The following HEYL variants were observed in gnomAD, a reference collection of about 807,000 sequenced individuals.
The protein encoded by HEYL is hes related family bHLH transcription factor with YRPW motif like.
HEYL carries 12 observed loss-of-function variants against 18.6 expected under a neutral mutation model. The observed-to-expected ratio is 0.65, with a 90% CI of 0.41 to 1.05. HEYL has a LOEUF of 1.05. HEYL is among the 50% of genes least tolerant of loss of function. The pLI is 0.00. For missense variants in HEYL, 420 were observed against 444.7 expected (o/e 0.94, Z 0.50); for synonymous variants, 159 against 179.6 (o/e 0.89, Z 0.91).
intron 1 of HEYL, chr1:39,632,984 C>G: frequency 8.2e-5 from 80 of 976,998 alleles, no homozygotes; most frequent in Non-Finnish European, 9.5e-5. Context: ...GAACCGCGTA[C>G]CGCGGCGCGG....
Position 39,626,800 on chromosome 1 carries a change from C to A in HEYL, c.694G>T (p.Ala232Ser). 1 of 1,560,868 alleles carries A rather than the reference C, an allele frequency of 6.4e-7. No individual in the cohort carries two copies. Among genetic ancestry groups the A allele is most frequent in the African/African-American group, 1.4e-5 (1 of 73,886 alleles). The change falls in exon 5 of 5, where the codon GCC becomes TCC. Residue 232 changes from alanine (A) to serine (S), a missense_variant. By Grantham distance (99) the Ala-to-Ser change is moderately conservative. Transcript: ENST00000372852. ...CGACTGGGCAGCACATTCCTCCGGG[C>A]TGGCAGGATGATGCCTGTGGCTCTG... is the stretch of plus-strand genomic sequence containing the variant. The part of the protein sequence containing the change: ...LRRATGIILP[A>S]RRNVLPSRGA...
chr1:39,631,372 A>G, intron 3 of HEYL, 124 bp downstream of exon 3: 1 of 773,114 alleles, frequency 1.3e-6, no homozygotes, highest in Non-Finnish European at 2.2e-6. Context: ...CCAGTGACAG[A>G]TATTGGTAAA....
rs1646283335 is a variant in HEYL at position 39,624,235 on chromosome 1, C to T, written c.*2272G>A. On this transcript the variant is annotated 3_prime_UTR_variant, in exon 5 of 5. Coordinates refer to ENST00000372852, the MANE Select transcript of HEYL (RefSeq NM_014571.4). ...GTAGGAGTTGGAGACACCAGGAAGGCTTGGGGATAGAAACACAAGATGCAA... is the reference window on the plus strand; with the variant it reads ...GTAGGAGTTGGAGACACCAGGAAGGTTTGGGGATAGAAACACAAGATGCAA... 1 of 152,240 alleles carries T rather than the reference C, an allele frequency of 6.6e-6. No individual in the cohort carries two copies. Among genetic ancestry groups the T allele is most frequent in the Non-Finnish European group, 1.5e-5 (1 of 68,042 alleles). 9.4% of individuals were successfully genotyped at this position (152,240 alleles called of 1,614,324 possible).
rs1464441106 is a variant in HEYL, at chr1:39,626,245, T to G, written c.*262A>C. The stretch of plus-strand genomic sequence containing the variant: ...GGGTCTGGGCGGATCTCTGAGGGTC[T>G]CTCCCAGGACTCATCTGTTCAGGTG... On this transcript the variant is annotated 3_prime_UTR_variant, in exon 5 of 5. Coordinates refer to ENST00000372852, the MANE Select transcript of HEYL (RefSeq NM_014571.4). 6 of 408,030 alleles carry G rather than the reference T, an allele frequency of 1.5e-5. No homozygotes were observed. The highest frequency in any genetic ancestry group is 2.6e-5 in the Non-Finnish European group (6 of 230,844). The allele number at this position is 408,030 out of a possible 1,614,324, so 25.3% of individuals were successfully genotyped here. A position where few individuals can be genotyped will look rare whatever the true frequency, so the allele number is the denominator to read the frequency against.
At position 39,632,675 on chromosome 1, in the gene HEYL, T is replaced by C. The variant is rs773344582; in HGVS notation, c.121A>G (p.Met41Val). ...RPLSTPSSSQ[M>V]QARKKHRGII... ...CCTCTGTGTTTCTTCCTGGCTTGCA[T>C]CTGCGAAGAGCTGGGGGTGGACAGC... The change falls in exon 2 of 5, where the codon ATG becomes GTG. Residue 41 changes from methionine to valine, a missense_variant. Coordinates refer to ENST00000372852, the MANE Select transcript of HEYL (RefSeq NM_014571.4). The C allele has an allele frequency of 6.2e-7, 1 of 1,614,012 alleles. No homozygotes were observed. Among genetic ancestry groups the C allele is most frequent in the Non-Finnish European group, 8.5e-7 (1 of 1,179,926 alleles).
chr1:39,637,624 G>A (rs992596548), intron 1 of HEYL, among the ~76,000 whole-genome samples: 1 of 152,198 alleles, frequency 6.6e-6, no homozygotes, highest in Non-Finnish European at 1.5e-5. Flanking sequence ...GTCAGCCTCT[G>A]CCAGATGTCC....
intron 4 of HEYL, among the ~76,000 whole-genome samples, chr1:39,629,164 C>A (rs1171010912): frequency 6.6e-6 from 1 of 152,214 alleles, no homozygotes; most frequent in Non-Finnish European, 1.5e-5. Context: ...CCCCATCTTG[C>A]AGGTTCTTGT....
In HEYL at chr1:39,630,312, C is replaced by A. The variant is rs760837071; in HGVS notation, c.232-4G>T. 1.2e-6 allele frequency: 2 copies of A among 1,612,970 alleles called. No individual in the cohort carries two copies. Among genetic ancestry groups the A allele is most frequent in the African/African-American group, 1.3e-5 (1 of 74,876 alleles). ...CTTTCTCCAGCTTGGAAGAGCCCTGCGGGTACAGAAGACAGAAGGGTGGAG... is the reference window on the plus strand; with the variant it reads ...CTTTCTCCAGCTTGGAAGAGCCCTGAGGGTACAGAAGACAGAAGGGTGGAG... On this transcript the variant is annotated splice_polypyrimidine_tract_variant and splice_region_variant and intron_variant, in intron 3 of 4. Transcript: ENST00000372852.
At position 39,632,633 on chromosome 1, in the gene HEYL, T is replaced by C; in HGVS notation, c.147+16A>G. 3 of 1,611,152 alleles carry C rather than the reference T, an allele frequency of 1.9e-6. No homozygotes were observed. Among genetic ancestry groups the C allele is most frequent in the Non-Finnish European group, 2.5e-6 (3 of 1,178,058 alleles). On this transcript the variant is annotated intron_variant, in intron 2 of 4. Transcript: ENST00000372852. ...ACCCTTTGTTGGTCAACTCAGAGGC[T>C]GAGACGGACACTCACCCCTCTGTGT...
intron 4 of HEYL, among the ~76,000 whole-genome samples, chr1:39,628,570 C>T (rs1353579483): frequency 1.3e-5 from 2 of 151,724 alleles, no homozygotes; most frequent in African/African-American, 2.4e-5. Flanking sequence ...TGAGCCACTG[C>T]GCCTGGCCTT....
At chr1:39,634,432 T>A (rs1646352038) in intron 1 of HEYL, among the ~76,000 whole-genome samples, 1 of 152,168 alleles carries the variant, frequency 6.6e-6, no homozygotes, top group African/African-American at 2.4e-5. Context: ...ATCTTTCAGG[T>A]GGTCCAACTG....
rs770937076 is a variant in HEYL, at chr1:39,627,132, A to T, written c.362T>A (p.Phe121Tyr). 5.0e-6 allele frequency: 8 copies of T among 1,613,972 alleles called. No individual in the cohort carries two copies. The highest frequency in any genetic ancestry group is 5.9e-6 in the Non-Finnish European group (7 of 1,179,894). Residue 121 changes from phenylalanine to tyrosine, a missense_variant, in exon 5 of 5, where the codon TTT (phenylalanine) becomes TAT (tyrosine). Phe to Tyr is a conservative substitution (Grantham distance 22). Transcript: ENST00000372852. ...ALAVDFRSIGFRECLTEVIRY... is the reference protein window; with the variant it reads ...ALAVDFRSIGYRECLTEVIRY... ...GATGACCTCAGTGAGGCACTCCCGA[A>T]AACCAATGCTCCGGAAGTCAACTGC...
rs139547686 is a variant in HEYL, at chr1:39,639,548, C to T, written c.78G>A (p.Leu26=). The T allele has an allele frequency of 2.3e-4, 360 of 1,583,114 alleles. 3 individuals are homozygous for T. The African/African-American group carries it at 4.6e-3, about 20-fold the overall frequency. ...GGTCCCCGCATCCCGGCCCTTACCT[C>T]AGCTGGCCCTCTTGGCCCACGTCGA... ...GPIDVGQEGQ[L]SQMARPLSTP... is the part of the protein sequence containing the mutation. Residue 26 remains leucine (L), a splice_region_variant and synonymous_variant, in exon 1 of 5, where the codon CTG becomes CTA. Coordinates refer to ENST00000372852, the MANE Select transcript of HEYL (RefSeq NM_014571.4).
Position 39,627,005 on chromosome 1 carries a change from C to T in HEYL, c.489G>A (p.Ser163=), listed in dbSNP as rs371911261. The T allele has an allele frequency of 3.7e-6, 6 of 1,613,990 alleles. No individual in the cohort carries two copies. Among genetic ancestry groups the T allele is most frequent in the Middle Eastern group, 1.6e-4 (1 of 6,084 alleles). ...AGGCCAAAGGGCCAGTGGGCGTGGG[C>T]GAAGGCTCCATCTCGGCTGCGTAGC... ...LNSYAAEMEP[S]PTPTGPLAFP... is the part of the protein sequence containing the mutation. Residue 163 remains serine (S), a synonymous_variant, in exon 5 of 5, where the codon TCG becomes TCA. Coordinates refer to ENST00000372852, the MANE Select transcript of HEYL (RefSeq NM_014571.4).
intron 1 of HEYL, among the ~76,000 whole-genome samples, chr1:39,635,305 A>G (rs375984477): frequency 1.3e-5 from 2 of 152,178 alleles, no homozygotes; most frequent in East Asian, 3.9e-4. Context: ...CTGGGGACAA[A>G]CCCCAAGAGC....
chr1:39,638,136 G>A (rs1482665608), intron 1 of HEYL, among the ~76,000 whole-genome samples: 1 of 152,172 alleles, frequency 6.6e-6, no homozygotes, highest in Middle Eastern at 3.2e-3. Flanking sequence ...AGGCTAATAC[G>A]TTGCATAGCG....
At chr1:39,629,507 G>A (rs949279567) in intron 4 of HEYL, among the ~76,000 whole-genome samples, 1 of 152,202 alleles carries the variant, frequency 6.6e-6, no homozygotes, top group African/African-American at 2.4e-5. Flanking sequence ...GGCTTCAGAA[G>A]CACCAGAATG....
chr1:39,638,851 C>G (rs1332864890), intron 1 of HEYL, among the ~76,000 whole-genome samples: 1 of 152,196 alleles, frequency 6.6e-6, no homozygotes, highest in African/African-American at 2.4e-5. Flanking sequence ...GAAGCTTAGA[C>G]AGTTTACAGA....
chr1:39,632,677 T>C lies in HEYL; in HGVS notation c.119A>G (p.Gln40Arg), dbSNP rs1646340451. ...ARPLSTPSSS[Q>R]MQARKKHRGI... ...TCTGTGTTTCTTCCTGGCTTGCATC[T>C]GCGAAGAGCTGGGGGTGGACAGCGG... is the stretch of plus-strand genomic sequence containing the variant. Residue 40 changes from glutamine to arginine, a missense_variant, in exon 2 of 5, where the codon CAG (glutamine) becomes CGG (arginine). Transcript: ENST00000372852. 1.2e-6 allele frequency: 2 copies of C among 1,613,966 alleles called. No individual in the cohort carries two copies. Among genetic ancestry groups the C allele is most frequent in the Non-Finnish European group, 1.7e-6 (2 of 1,179,912 alleles).
Sources: gnomAD v4.1 joint callset for allele counts (sites outside exome capture counted in the v4.1 genomes callset) on GRCh38, gnomAD v4.1.1 for gene constraint, MANE v1.5 for transcripts, NCBI Gene and HGNC (gene_info 2026-07-23, HGNC 2026-07-21) for gene names.